The following USP24 variants were observed in gnomAD, a reference collection of about 807,000 sequenced individuals.
USP24 encodes the protein ubiquitin specific peptidase 24.
USP24 carries 97 observed loss-of-function variants against 361.6 expected under a neutral mutation model. The observed-to-expected ratio is 0.27, with a 90% CI of 0.23 to 0.32. USP24 has a LOEUF of 0.32. Among genes scored for constraint, USP24 ranks in the 10% least tolerant of loss-of-function variants. The pLI is 1.00. For missense variants in USP24, 2,353 were observed against 3,165.6 expected (o/e 0.74, Z 6.16); for synonymous variants, 1,098 against 1,124.6 (o/e 0.98, Z 0.47).
In USP24 at chr1:55,172,295, CATT is replaced by C. The variant is rs1281887837; in HGVS notation, c.702+79_702+81del. 3 of 1,232,832 alleles carry C rather than the reference CATT, an allele frequency of 2.4e-6. 1 individual carries two copies. The highest frequency in any genetic ancestry group is 1.1e-6 in the Non-Finnish European group (1 of 934,112). 76.4% of individuals were successfully genotyped at this position (1,232,832 alleles called of 1,614,324 possible). A position where few individuals can be genotyped will look rare whatever the true frequency, so the allele number is the denominator to read the frequency against. On this transcript the variant is annotated intron_variant, in intron 4 of 67. Transcript: ENST00000294383. ...CCTTAACGATAAAATTATTATCACT[CATT>C]ATTAATTACAAGTCAGAGAACAGCA...
At chr1:55,090,174 T>A (rs1645343940) in intron 54 of USP24, among the ~76,000 whole-genome samples, 1 of 152,068 alleles carries the variant, frequency 6.6e-6, no homozygotes, top group Non-Finnish European at 1.5e-5. Context: ...ATATCCTACC[T>A]TATGGAATAA....
intron 55 of USP24, among the ~76,000 whole-genome samples, chr1:55,087,218 C>G (rs1046797083): frequency 6.6e-6 from 1 of 151,958 alleles, no homozygotes; most frequent in South Asian, 2.1e-4. Flanking sequence ...TCTTCAAACA[C>G]GAAATCATAG....
chr1:55,079,762 C>G (rs1158716254), intron 59 of USP24, 103 bp from the exon 60 acceptor site: 2 of 1,424,370 alleles, frequency 1.4e-6, no homozygotes, highest in Admixed American at 5.9e-5. Context: ...CTCGCACACA[C>G]ACTGAGTACT....
rs533005198 is a variant in USP24 at position 55,166,055 on chromosome 1, G to A, written c.862-105C>T. 144 of 931,594 alleles carry A rather than the reference G, an allele frequency of 1.5e-4. 1 individual carries two copies. In the African/African-American group the frequency reaches 1.9e-3, roughly 12 times the overall value. The allele number at this position is 931,594 out of a possible 1,614,324, so 57.7% of individuals were successfully genotyped here. On this transcript the variant is annotated intron_variant, in intron 6 of 67. Transcript: ENST00000294383. Reference sequence around the variant, plus strand: ...AGGTGTATATGTTTATGGGGCACACGAGATGTTTTGATACAGGCATACAAT... The same window carrying A: ...AGGTGTATATGTTTATGGGGCACACAAGATGTTTTGATACAGGCATACAAT...
chr1:55,137,579 T>C lies in USP24; in HGVS notation c.3137A>G (p.Asp1046Gly), dbSNP rs1646773660. Residue 1046 changes from aspartate (D) to glycine (G), a missense_variant, in exon 28 of 68, where the codon GAT (aspartate) becomes GGT (glycine). Coordinates refer to ENST00000294383, the MANE Select transcript of USP24 (RefSeq NM_015306.3). Reference protein sequence around the residue: ...GSGTPSGSSADSSTSSSSSSS... With the variant: ...GSGTPSGSSAGSSTSSSSSSS... ...GCTGCTGCTGGAGCTGGTTGAAGAA[T>C]CTGCTGAACTCCCAGATGGGGTCCC... The C allele has an allele frequency of 6.2e-7, 1 of 1,613,464 alleles. No individual in the cohort carries two copies. The highest frequency in any genetic ancestry group is 8.5e-7 in the Non-Finnish European group (1 of 1,179,672).
At chr1:55,106,338 A>C in intron 40 of USP24, 75 bp from the exon 41 acceptor site, 1 of 1,215,266 alleles carries the variant, frequency 8.2e-7, no homozygotes. Flanking sequence ...GCACTTTCTT[A>C]TCAGAGCAGC....
chr1:55,157,176 C>G, intron 11 of USP24, 80 bp downstream of exon 11: 1 of 1,364,110 alleles, frequency 7.3e-7, no homozygotes, highest in South Asian at 1.3e-5. Context: ...GTCAAAGCAA[C>G]AATTTTGTAT....
intron 5 of USP24, 57 bp from the exon 6 acceptor site, chr1:55,166,660 C>T: frequency 7.1e-7 from 1 of 1,402,156 alleles, no homozygotes; most frequent in East Asian, 2.4e-5. Context: ...CCCATTAACC[C>T]TTACATTTCT....
At chr1:55,165,660 T>C (rs1218448325) in intron 7 of USP24, among the ~76,000 whole-genome samples, 1 of 151,848 alleles carries the variant, frequency 6.6e-6, no homozygotes, top group African/African-American at 2.4e-5. Flanking sequence ...AAGAGAAAAA[T>C]GCCACAGGTA....
At chr1:55,181,810 T>C (rs1031900142) in intron 1 of USP24, among the ~76,000 whole-genome samples, 3 of 152,178 alleles carry the variant, frequency 2.0e-5, no homozygotes, top group Non-Finnish European at 4.4e-5. Flanking sequence ...AAGTCATCAA[T>C]TGAAGCCCTA....
intron 28 of USP24, among the ~76,000 whole-genome samples, chr1:55,136,899 G>A (rs1360807177): frequency 2.0e-5 from 3 of 152,154 alleles, no homozygotes; most frequent in Non-Finnish European, 2.9e-5. Context: ...CTAAAAAGTG[G>A]AAGTTAGCAA....
intron 31 of USP24, 81 bp downstream of exon 31, chr1:55,132,464 T>G: frequency 6.9e-7 from 1 of 1,444,920 alleles, no homozygotes; most frequent in Non-Finnish European, 9.3e-7. Flanking sequence ...CCTATTTACT[T>G]ATTTCTGACA....
At chr1:55,158,783 T>C in intron 10 of USP24, 95 bp downstream of exon 10, 1 of 1,072,354 alleles carries the variant, frequency 9.3e-7, no homozygotes, top group Non-Finnish European at 1.2e-6. Flanking sequence ...AATAAATTAT[T>C]CATATTTCCC....
chr1:55,143,934 T>C (rs1488425484), intron 21 of USP24, among the ~76,000 whole-genome samples, 193 bp downstream of exon 21: 1 of 152,120 alleles, frequency 6.6e-6, no homozygotes. Context: ...TGGTGAGGCA[T>C]GGTAGTGCAG....
chr1:55,123,744 T>C, intron 35 of USP24, 142 bp from the exon 36 acceptor site: 12 of 832,234 alleles, frequency 1.4e-5, no homozygotes, highest in Non-Finnish European at 1.9e-5. Flanking sequence ...AAGAGAGATT[T>C]AATACTGTAT....
chr1:55,069,809 G>A (rs576088977), intron 67 of USP24, among the ~76,000 whole-genome samples: 26 of 148,072 alleles, frequency 1.8e-4, no homozygotes, highest in Admixed American at 6.1e-4. Context: ...GGAGAAGGAG[G>A]TAGCAGTGAG....
intron 67 of USP24, 49 bp from the exon 68 acceptor site, chr1:55,069,156 T>C (rs759872058): frequency 1.9e-6 from 3 of 1,596,638 alleles, no homozygotes; most frequent in East Asian, 4.5e-5. Context: ...GAGAAAAGGT[T>C]TTCTATGCTG....
chr1:55,176,412 CCTT>C lies in USP24; in HGVS notation c.519_521del (p.Arg174del). On this transcript the variant is annotated inframe_deletion, in exon 3 of 68. Transcript: ENST00000294383. The stretch of plus-strand genomic sequence containing the variant: ...CTTCAGGCATACACCTGTCCATAAA[CCTT>C]CTACAATTCTCATCAGACTCGGAAA... 6.4e-7 allele frequency: 1 copy of C among 1,572,892 alleles called. No individual in the cohort carries two copies. The highest frequency in any genetic ancestry group is 8.6e-7 in the Non-Finnish European group (1 of 1,157,302).
At chr1:55,171,961 A>C (rs1458935890) in intron 4 of USP24, among the ~76,000 whole-genome samples, 1 of 152,168 alleles carries the variant, frequency 6.6e-6, no homozygotes, top group Non-Finnish European at 1.5e-5. Flanking sequence ...TGCTAGGGCT[A>C]CCGGGGATGA....
Sources: allele counts gnomAD v4.1 joint callset (sites outside exome capture counted in the v4.1 genomes callset), GRCh38; gene constraint gnomAD v4.1.1; transcripts MANE v1.5; gene names NCBI Gene and HGNC (gene_info 2026-07-23, HGNC 2026-07-21).